The following PCYT1B variants were observed in gnomAD, a reference collection of about 807,000 sequenced individuals.
PCYT1B encodes phosphate cytidylyltransferase 1B, choline.
In PCYT1B, 10 loss-of-function variants were observed where a neutral mutation model predicts 26.4. The ratio of observed to expected loss-of-function variants is 0.38; its 90% CI spans 0.23 to 0.64. The LOEUF is 0.64. Among genes scored for constraint, PCYT1B ranks in the 30% least tolerant of loss-of-function variants. PCYT1B has a pLI of 0.56. For synonymous variants in PCYT1B, 131 were observed against 108.4 expected (o/e 1.21, Z -1.29); for missense variants, 161 against 292.7 (o/e 0.55, Z 3.28).
chrX:24,608,342 C>T (rs1481968983), intron 2 of PCYT1B, among the ~76,000 whole-genome samples: 3 of 111,805 alleles, frequency 2.7e-5, no homozygotes, highest in Non-Finnish European at 5.6e-5. Context: ...CTCCAGGTCA[C>T]GTTGGTAGCC....
chrX:24,647,193 C>T lies in PCYT1B; in HGVS notation c.-88G>A. On this transcript the variant is annotated 5_prime_UTR_variant, in exon 1 of 8. Transcript: ENST00000379144. The stretch of plus-strand genomic sequence containing the variant: ...TTTCTTTGTCACGTATTTTTCTCCC[C>T]TCTACCCTCCACCCATCCCCCCGCT... The T allele has an allele frequency of 8.9e-7, 1 of 1,128,244 alleles. No individual in the cohort carries two copies. 93.0% of individuals were successfully genotyped at this position (1,128,244 alleles called of 1,213,427 possible).
Position 24,647,267 on chromosome X carries a change from C to T in PCYT1B, c.-162G>A. On this transcript the variant is annotated 5_prime_UTR_variant, in exon 1 of 8. Transcript: ENST00000379144. Reference sequence around the variant, plus strand: ...CCCTAGGGGAAGTAAAGAGGTTACCCCCCGCCCCTCTCTCTCTCTCTCTCT... The same window carrying T: ...CCCTAGGGGAAGTAAAGAGGTTACCTCCCGCCCCTCTCTCTCTCTCTCTCT... 25 of 1,037,674 alleles carry T rather than the reference C, an allele frequency of 2.4e-5. No individual in the cohort carries two copies. The highest frequency in any genetic ancestry group is 2.9e-5 in the Non-Finnish European group (24 of 815,367). The allele number at this position is 1,037,674 out of a possible 1,213,427, so 85.5% of individuals were successfully genotyped here.
At chrX:24,617,365 T>G (rs1925534298) in intron 2 of PCYT1B, among the ~76,000 whole-genome samples, 1 of 55,708 alleles carries the variant, frequency 1.8e-5, no homozygotes, top group South Asian at 7.6e-4. Context: ...TAAGTTTGGT[T>G]TGTTTGTTTT....
chrX:24,618,904 T>A, intron 2 of PCYT1B, 81 bp downstream of exon 2: 1 of 610,082 alleles, frequency 1.6e-6, no homozygotes, highest in Non-Finnish European at 2.4e-6. Context: ...ATCACAGGCA[T>A]GAGCCACCAC....
In PCYT1B at chrX:24,671,617, A is replaced by T. The variant is rs951663437; in HGVS notation, c.63+953T>A. Among the ~76,000 whole-genome samples, 15 of 111,191 alleles carry T rather than the reference A, an allele frequency of 1.3e-4. No homozygotes were observed. In the East Asian group the frequency reaches 4.2e-3, roughly 31 times the overall value. On this transcript the variant is annotated intron_variant, in intron 1 of 7. Coordinates refer to the PCYT1B transcript ENST00000379145. ...AGGGGCATGAGAAGGTTTTGAAGGG[A>T]TGCTGGTACAGGAAAGACCAGGGCC...
intron 5 of PCYT1B, among the ~76,000 whole-genome samples, chrX:24,581,227 C>T (rs779688318): frequency 2.1e-4 from 23 of 112,091 alleles, no homozygotes; most frequent in Middle Eastern, 9.2e-3. Context: ...GAGTCAAATC[C>T]TTAACTTGGC....
At chrX:24,566,072 T>A (rs1393337340) in intron 7 of PCYT1B, among the ~76,000 whole-genome samples, 1 of 112,103 alleles carries the variant, frequency 8.9e-6, no homozygotes, top group Non-Finnish European at 1.9e-5. Context: ...GTTTTAAAAA[T>A]TTGTTACAGC....
intron 1 of PCYT1B, among the ~76,000 whole-genome samples, chrX:24,637,478 C>CAAAAAA (rs1926310118): frequency 1.9e-5 from 1 of 53,752 alleles, no homozygotes; most frequent in Non-Finnish European, 2.8e-5. Flanking sequence ...CCCATCTCTA[C>CAAAAAA]TAAAAAAAAA....
chrX:24,630,496 C>T (rs891580689), intron 1 of PCYT1B, among the ~76,000 whole-genome samples: 3 of 111,392 alleles, frequency 2.7e-5, no homozygotes, highest in African/African-American at 9.8e-5. Context: ...GGGGTTTCAC[C>T]GTGTCACCCA....
At chrX:24,600,116 G>A (rs1468392121) in intron 3 of PCYT1B, among the ~76,000 whole-genome samples, 1 of 110,822 alleles carries the variant, frequency 9.0e-6, no homozygotes, top group Non-Finnish European at 1.9e-5. Flanking sequence ...TGGCCAGGCT[G>A]GTCTGGTCTC....
chrX:24,604,504 C>T (rs1925061689), intron 3 of PCYT1B, among the ~76,000 whole-genome samples: 1 of 112,082 alleles, frequency 8.9e-6, no homozygotes, highest in Admixed American at 9.5e-5. Flanking sequence ...AAAGAACACA[C>T]TGAAATTATT....
intron 7 of PCYT1B, among the ~76,000 whole-genome samples, chrX:24,574,293 C>T (rs1923950065): frequency 9.0e-6 from 1 of 111,425 alleles, no homozygotes; most frequent in African/African-American, 3.3e-5. Context: ...GTAAACTTTT[C>T]GAATCTCTTT....
intron 3 of PCYT1B, among the ~76,000 whole-genome samples, chrX:24,606,053 C>A (rs866272129): frequency 5.7e-3 from 294 of 52,004 alleles, no homozygotes; most frequent in Middle Eastern, 0.013. Context: ...GACTCCATCT[C>A]AAAAAAAAAA....
intron 4 of PCYT1B, among the ~76,000 whole-genome samples, chrX:24,587,584 C>G (rs1014613265): frequency 1.8e-5 from 2 of 111,760 alleles, no homozygotes; most frequent in African/African-American, 3.2e-5. Flanking sequence ...AGTAGGATTT[C>G]TTGGTCTTCT....
chrX:24,672,664 G>A (rs778970539), exon 1 of PCYT1B: 89 of 1,113,670 alleles, frequency 8.0e-5, no homozygotes, highest in Middle Eastern at 4.9e-4. Flanking sequence ...CTTCTCTAGA[G>A]GCCTCTACCC....
chrX:24,565,376 T>C, intron 7 of PCYT1B, among the ~76,000 whole-genome samples: 1 of 111,207 alleles, frequency 9.0e-6, no homozygotes, highest in East Asian at 2.8e-4. Context: ...GACCAGGTGC[T>C]ACACAGGAGG....
intron 1 of PCYT1B, among the ~76,000 whole-genome samples, chrX:24,654,309 A>AT (rs1926853628): frequency 9.8e-6 from 1 of 102,166 alleles, no homozygotes; most frequent in East Asian, 3.2e-4. Flanking sequence ...GGGTTTCACC[A>AT]TATTGGCCAG....
At chrX:24,619,754 T>C (rs1925641255) in intron 1 of PCYT1B, among the ~76,000 whole-genome samples, 1 of 112,540 alleles carries the variant, frequency 8.9e-6, no homozygotes, top group African/African-American at 3.2e-5. Flanking sequence ...ACTTCTCCTG[T>C]GGTAGCTTCA....
Position 24,570,150 on chromosome X carries a change from G to A in PCYT1B, c.897+4980C>T, listed in dbSNP as rs112239252. On this transcript the variant is annotated intron_variant, in intron 7 of 7. Coordinates refer to ENST00000379144, the MANE Select transcript of PCYT1B (RefSeq NM_004845.5). ...TGCAGTGAGCTGAGATCACACCATC[G>A]CACTCCAGCCTGGGAGACAAGAGCA... is the stretch of plus-strand genomic sequence containing the variant. Among the ~76,000 whole-genome samples, 290 of 93,035 alleles carry A rather than the reference G, an allele frequency of 3.1e-3. 2 individuals carry two copies. The highest frequency in any genetic ancestry group is 0.011 in the African/African-American group (257 of 24,267). The allele number at this position is 93,035 out of a possible 115,157, so 80.8% of individuals were successfully genotyped here.
Sources: gnomAD v4.1 joint callset for allele counts (sites outside exome capture counted in the v4.1 genomes callset) on GRCh38, gnomAD v4.1.1 for gene constraint, MANE v1.5 for transcripts, NCBI Gene and HGNC (gene_info 2026-07-23, HGNC 2026-07-21) for gene names.